INSL6: variants seen among roughly 807,000 people sequenced by gnomAD.
INSL6 encodes insulin-like peptide INSL6.
Under a neutral mutation model 9.4 loss-of-function variants are expected in INSL6, and 16 were observed. The ratio of observed to expected loss-of-function variants is 1.70; its 90% CI spans 1.15 to 2.59. The LOEUF (loss-of-function observed/expected upper bound fraction) is 2.59, where lower values mean the gene tolerates loss of function less well. Among genes scored for constraint, INSL6 ranks in the 30% most tolerant of loss-of-function variants. INSL6 has a pLI of 0.00. For missense variants in INSL6, 391 were observed against 257.3 expected, an observed-to-expected ratio of 1.52 and a Z score of -3.56; for synonymous variants, 154 against 96.9, an observed-to-expected ratio of 1.59 and a Z score of -3.46.
intron 3 of INSL6, among the ~76,000 whole-genome samples, chr9:5,130,719 A>C (rs995548626): frequency 1.3e-5 from 2 of 149,402 alleles, no homozygotes; most frequent in African/African-American, 5.0e-5. Context: ...TATTTTTTTT[A>C]TTTTTTATTT....
chr9:5,008,649 C>G, the INSL6 span, among the ~76,000 whole-genome samples: 1 of 152,138 alleles, frequency 6.6e-6, no homozygotes, highest in Non-Finnish European at 1.5e-5. Context: ...AAACTGAACT[C>G]TTTTAGAGTT....
chr9:5,090,981 T>C, the INSL6 span: 18 of 1,115,312 alleles, frequency 1.6e-5, no homozygotes, highest in Non-Finnish European at 2.3e-5. Context: ...TGTTATTTAA[T>C]AGTTTGCCAT....
rs183035935 is a variant in INSL6, at chr9:5,141,084, C to A, written c.377-7492G>T. The stretch of plus-strand genomic sequence containing the variant: ...CATAGTACTCCATGGTGTATATGTA[C>A]CACATTTTTTTAATCCAGTCTATCA... On this transcript the variant is annotated intron_variant, in intron 2 of 3. Coordinates refer to the INSL6 transcript ENST00000649639. 2.5e-3 allele frequency among the ~76,000 whole-genome samples: 380 copies of A among 152,222 alleles called. 5 individuals are homozygous for A. Among genetic ancestry groups the A allele is most frequent in the Admixed American group, 0.022 (339 of 15,290 alleles).
At chr9:5,120,197 A>G (rs1222323294), downstream of INSL6, among the ~76,000 whole-genome samples, 9 of 152,224 alleles carry the variant, frequency 5.9e-5, no homozygotes, top group Admixed American at 5.9e-4. Context: ...CACATGGACA[A>G]AAGTGGAAGG....
the INSL6 span, among the ~76,000 whole-genome samples, chr9:5,102,104 G>A: frequency 6.6e-6 from 1 of 152,146 alleles, no homozygotes; most frequent in East Asian, 1.9e-4. Flanking sequence ...AGCTAAAGGA[G>A]GATGTTCAAA....
At chr9:5,036,678 G>A in the INSL6 span, among the ~76,000 whole-genome samples, 1 of 152,152 alleles carries the variant, frequency 6.6e-6, no homozygotes, top group South Asian at 2.1e-4. Context: ...GCTGAAACTG[G>A]ATCCCTTCCT....
chr9:5,138,587 G>A (rs1364494390), intron 2 of INSL6, among the ~76,000 whole-genome samples: 1 of 152,088 alleles, frequency 6.6e-6, no homozygotes, highest in Non-Finnish European at 1.5e-5. Flanking sequence ...GTTGGGCAGT[G>A]GGGGGCTAGG....
chr9:5,147,971 G>T (rs761736900), intron 2 of INSL6, among the ~76,000 whole-genome samples: 3 of 152,092 alleles, frequency 2.0e-5, no homozygotes, highest in Admixed American at 1.3e-4. Flanking sequence ...GGCTTCCTTG[G>T]ATTTTCAATT....
downstream of INSL6, among the ~76,000 whole-genome samples, chr9:5,119,175 C>G (rs1823429677): frequency 6.6e-6 from 1 of 151,972 alleles, no homozygotes; most frequent in Non-Finnish European, 1.5e-5. Context: ...TTGGTAATGC[C>G]AGGCATCAAA....
At chr9:5,181,372 T>C (rs1825448258) in intron 1 of INSL6, among the ~76,000 whole-genome samples, 1 of 151,956 alleles carries the variant, frequency 6.6e-6, no homozygotes, top group Non-Finnish European at 1.5e-5. Flanking sequence ...CTCAAACTTA[T>C]CAGTAATGGT....
intron 3 of INSL6, among the ~76,000 whole-genome samples, chr9:5,131,223 T>A (rs927069845): frequency 6.6e-6 from 1 of 152,204 alleles, no homozygotes; most frequent in Non-Finnish European, 1.5e-5. Context: ...CTTCCTCTGC[T>A]TAATAATTTT....
chr9:5,109,634 C>T, the INSL6 span: 1 of 152,188 alleles, frequency 6.6e-6, no homozygotes, highest in African/African-American at 2.4e-5. Flanking sequence ...CCATTAGCCT[C>T]ATCCCAACGT....
intron 2 of INSL6, among the ~76,000 whole-genome samples, chr9:5,133,773 C>G (rs755472136): frequency 7.2e-5 from 11 of 152,018 alleles, no homozygotes; most frequent in Middle Eastern, 3.4e-3. Flanking sequence ...TTCCAAATGC[C>G]AGAATGCCTC....
chr9:5,180,174 A>C lies in INSL6; in HGVS notation c.289+5140T>G, dbSNP rs1315349886. On this transcript the variant is annotated intron_variant, in intron 1 of 1. Coordinates refer to ENST00000381641, the MANE Select transcript of INSL6 (RefSeq NM_007179.3). The stretch of plus-strand genomic sequence containing the variant: ...TCAGTTCCCAAATAATACTTTTATA[A>C]TTTCTTATGCCTGTCTTTACTCTCT... 2.6e-5 allele frequency among the ~76,000 whole-genome samples: 4 copies of C among 152,170 alleles called. No homozygotes were observed. In the East Asian group the frequency reaches 7.7e-4, roughly 29 times the overall value.
At chr9:5,097,259 C>T in the INSL6 span, 1 of 152,216 alleles carries the variant, frequency 6.6e-6, no homozygotes, top group African/African-American at 2.4e-5. Flanking sequence ...CTCTCTCAGT[C>T]CTAGCCGCTG....
chr9:5,116,143 T>C, the INSL6 span, among the ~76,000 whole-genome samples: 50 of 152,336 alleles, frequency 3.3e-4, no homozygotes, highest in South Asian at 9.3e-3. Flanking sequence ...TTAATCCTCA[T>C]AACAACCCTT....
At chr9:5,002,489 A>T in the INSL6 span, among the ~76,000 whole-genome samples, 23 of 152,164 alleles carry the variant, frequency 1.5e-4, no homozygotes, top group African/African-American at 5.5e-4. Flanking sequence ...TATGGCCAAG[A>T]ATATAATTCA....
the INSL6 span, among the ~76,000 whole-genome samples, chr9:5,067,198 A>G: frequency 6.6e-6 from 1 of 152,152 alleles, no homozygotes; most frequent in East Asian, 1.9e-4. Flanking sequence ...AAACAGAATT[A>G]GAGAAAACTA....
At chr9:5,068,052 C>T in the INSL6 span, among the ~76,000 whole-genome samples, 5 of 151,552 alleles carry the variant, frequency 3.3e-5, no homozygotes, top group Admixed American at 6.6e-5. Context: ...CCCAGCTACT[C>T]GGGAGGCTGA....
Sources: gnomAD v4.1 joint callset for allele counts (sites outside exome capture counted in the v4.1 genomes callset) on GRCh38, gnomAD v4.1.1 for gene constraint, MANE v1.5 for transcripts, NCBI Gene and HGNC (gene_info 2026-07-23, HGNC 2026-07-21) for gene names.